NFIA: variants seen among roughly 807,000 people sequenced by gnomAD.
NFIA encodes nuclear factor 1 A-type.
In NFIA, 8 loss-of-function variants were observed where a neutral mutation model predicts 62.8. The observed-to-expected ratio is 0.13, with a 90% CI of 0.07 to 0.23. The LOEUF (loss-of-function observed/expected upper bound fraction) is 0.23. Among genes scored for constraint, NFIA ranks in the 10% least tolerant of loss-of-function variants. NFIA has a pLI of 1.00. For missense variants in NFIA, 410 were observed against 642.1 expected, an observed-to-expected ratio of 0.64 and a Z score of 3.91; for synonymous variants, 235 against 238.1, an observed-to-expected ratio of 0.99 and a Z score of 0.12.
chr1:61,446,948 G>A (rs1464504323), intron 10 of NFIA, among the ~76,000 whole-genome samples: 1 of 152,148 alleles, frequency 6.6e-6, no homozygotes, highest in African/African-American at 2.4e-5. Context: ...AAACAAGAAA[G>A]GTTACCTCCC....
intron 10 of NFIA, among the ~76,000 whole-genome samples, chr1:61,434,173 G>T (rs545625034): frequency 6.6e-6 from 1 of 152,328 alleles, no homozygotes; most frequent in Non-Finnish European, 1.5e-5. Context: ...TCTGAGAGTG[G>T]TAAGGACTGG....
chr1:61,405,399 G>A (rs1393165669), intron 8 of NFIA, among the ~76,000 whole-genome samples: 1 of 152,202 alleles, frequency 6.6e-6, no homozygotes, highest in Non-Finnish European at 1.5e-5. Flanking sequence ...ATCGTCAGAC[G>A]AGGTAGTCTT....
At chr1:61,446,200 G>C (rs1194873192) in intron 10 of NFIA, among the ~76,000 whole-genome samples, 1 of 152,192 alleles carries the variant, frequency 6.6e-6, no homozygotes. Flanking sequence ...CAGACCCGCA[G>C]TCCAGTGCTT....
chr1:61,082,339 G>A, upstream of NFIA: 1 of 288,062 alleles, frequency 3.5e-6, no homozygotes, highest in Non-Finnish European at 5.2e-6. Context: ...GGCTGGCCGC[G>A]CGGCGCCGCA....
rs532663290 is a variant in NFIA at position 61,195,899 on chromosome 1, C to T, written c.560-81621C>T. Among the ~76,000 whole-genome samples, 7 of 152,096 alleles carry T rather than the reference C, an allele frequency of 4.6e-5. No individual in the cohort carries two copies. In the East Asian group the frequency reaches 7.7e-4, roughly 17 times the overall value. On this transcript the variant is annotated intron_variant, in intron 2 of 10. Transcript: ENST00000403491. ...AGAAAGCAGAGTAAAATACTATAACCGTTTTAAATCAGTCTGGATTTTCTT... is the reference window on the plus strand; with the variant it reads ...AGAAAGCAGAGTAAAATACTATAACTGTTTTAAATCAGTCTGGATTTTCTT...
At chr1:61,414,105 C>T (rs1410570973) in intron 9 of NFIA, among the ~76,000 whole-genome samples, 4 of 152,106 alleles carry the variant, frequency 2.6e-5, no homozygotes, top group African/African-American at 9.7e-5. Context: ...GCCTCAGCCT[C>T]CTGAGTAGCT....
At chr1:61,309,692 C>T (rs1659992595) in intron 3 of NFIA, among the ~76,000 whole-genome samples, 2 of 152,172 alleles carry the variant, frequency 1.3e-5, no homozygotes, top group South Asian at 4.1e-4. Flanking sequence ...AGTTTGAGAG[C>T]AGCCTGACCA....
At chr1:61,220,741 C>G (rs1474268006) in intron 2 of NFIA, among the ~76,000 whole-genome samples, 1 of 152,074 alleles carries the variant, frequency 6.6e-6, no homozygotes, top group Non-Finnish European at 1.5e-5. Flanking sequence ...TTGCTGAAAC[C>G]CACAATAACC....
chr1:61,079,766 T>C (rs1273228134), upstream of NFIA, among the ~76,000 whole-genome samples: 1 of 152,208 alleles, frequency 6.6e-6, no homozygotes, highest in Non-Finnish European at 1.5e-5. Context: ...CTTAGTATCT[T>C]TGTGAACTCT....
intron 3 of NFIA, among the ~76,000 whole-genome samples, chr1:61,296,033 G>C (rs1188729926): frequency 1.3e-5 from 2 of 152,230 alleles, no homozygotes; most frequent in African/African-American, 4.8e-5. Context: ...CATGACTGCA[G>C]AGTACTGCAG....
At chr1:61,208,630 A>G (rs1443143560) in intron 2 of NFIA, among the ~76,000 whole-genome samples, 3 of 152,168 alleles carry the variant, frequency 2.0e-5, no homozygotes, top group African/African-American at 7.2e-5. Flanking sequence ...TACAATAGGA[A>G]TAATAGAAGT....
chr1:61,096,067 A>G (rs1284774800), intron 2 of NFIA, among the ~76,000 whole-genome samples: 1 of 152,152 alleles, frequency 6.6e-6, no homozygotes, highest in Admixed American at 6.5e-5. Flanking sequence ...CTGTGTGTGT[A>G]ATTATTTAAA....
intron 3 of NFIA, among the ~76,000 whole-genome samples, chr1:61,280,635 A>T (rs1658075704): frequency 6.6e-6 from 1 of 152,184 alleles, no homozygotes; most frequent in Non-Finnish European, 1.5e-5. Flanking sequence ...CATAAAGTGG[A>T]TGCAGCTGTT....
intron 2 of NFIA, among the ~76,000 whole-genome samples, chr1:61,247,824 A>G (rs951709211): frequency 1.3e-5 from 2 of 152,218 alleles, no homozygotes; most frequent in African/African-American, 4.8e-5. Flanking sequence ...AGGGCCAGAA[A>G]TGGTCTACTG....
At chr1:61,141,497 A>T (rs1351725277) in intron 2 of NFIA, among the ~76,000 whole-genome samples, 1 of 152,214 alleles carries the variant, frequency 6.6e-6, no homozygotes, top group African/African-American at 2.4e-5. Flanking sequence ...GATTGTTAAC[A>T]GCCCTTGAAG....
intron 2 of NFIA, among the ~76,000 whole-genome samples, chr1:61,165,487 G>A (rs906884214): frequency 2.6e-5 from 4 of 152,186 alleles, no homozygotes; most frequent in Non-Finnish European, 5.9e-5. Flanking sequence ...AATCATGGAA[G>A]TTTGAAGAAC....
chr1:61,245,037 A>C (rs1489388023), intron 2 of NFIA, among the ~76,000 whole-genome samples: 1 of 152,224 alleles, frequency 6.6e-6, no homozygotes, highest in African/African-American at 2.4e-5. Context: ...AGGTTTGTCC[A>C]ACTCAAACAT....
chr1:61,267,011 A>G (rs1040938497), intron 2 of NFIA, among the ~76,000 whole-genome samples: 1 of 152,198 alleles, frequency 6.6e-6, no homozygotes, highest in African/African-American at 2.4e-5. Flanking sequence ...CAATTCCTCA[A>G]AGCTAATATA....
chr1:61,276,095 A>C (rs1657788184), intron 2 of NFIA, among the ~76,000 whole-genome samples: 1 of 152,176 alleles, frequency 6.6e-6, no homozygotes, highest in South Asian at 2.1e-4. Context: ...CTCAAATAAA[A>C]ATTCACTTTT....
Sources: allele counts gnomAD v4.1 joint callset (sites outside exome capture counted in the v4.1 genomes callset), GRCh38; gene constraint gnomAD v4.1.1; transcripts MANE v1.5; gene names NCBI Gene and HGNC (gene_info 2026-07-23, HGNC 2026-07-21).